The following SERINC5 variants were observed in gnomAD, a reference collection of about 807,000 sequenced individuals.
SERINC5 encodes the protein serine incorporator 5, also known as chromosome 5 open reading frame 12.
A neutral mutation model predicts 63.1 loss-of-function variants in SERINC5; 41 were observed. The ratio of observed to expected loss-of-function variants is 0.65; its 90% confidence interval spans 0.51 to 0.84. The LOEUF is 0.84. Among genes scored for constraint, SERINC5 ranks in the 40% least tolerant of loss-of-function variants. The pLI is 0.00. For missense variants in SERINC5, 523 were observed against 573.0 expected, an observed-to-expected ratio of 0.91 and a Z score of 0.89; for synonymous variants, 222 against 215.2, an observed-to-expected ratio of 1.03 and a Z score of -0.28.
intron 5 of SERINC5, among the ~76,000 whole-genome samples, chr5:80,173,874 C>T (rs560507902): frequency 6.6e-6 from 1 of 152,104 alleles, no homozygotes; most frequent in South Asian, 2.1e-4. Flanking sequence ...TCCCATCCCA[C>T]TAAAAATCCA....
intron 11 of SERINC5, among the ~76,000 whole-genome samples, chr5:80,128,044 T>C (rs1017534897): frequency 3.3e-5 from 5 of 152,360 alleles, no homozygotes; most frequent in African/African-American, 1.2e-4. Context: ...TTTACTAATA[T>C]TTTGAGTCTA....
At position 80,186,189 on chromosome 5, in the gene SERINC5, T is replaced by TA. The variant is rs1198637496; in HGVS notation, c.196-8126dup. Among the ~76,000 whole-genome samples, 28 of 132,664 alleles carry TA rather than the reference T, an allele frequency of 2.1e-4. No homozygotes were observed. The Middle Eastern group carries it at 0.016, about 74-fold the overall frequency. 87.0% of individuals were successfully genotyped at this position (132,664 alleles called of 152,430 possible). On this transcript the variant is annotated intron_variant, in intron 2 of 11. Transcript: ENST00000507668. ...TTCACTCTTGTCGCCCAGGCTGGAG[T>TA]ACAGTGGTGCGATTTCAGCTCACTG...
At chr5:80,220,300 T>C (rs1388549122) in intron 1 of SERINC5, among the ~76,000 whole-genome samples, 1 of 151,932 alleles carries the variant, frequency 6.6e-6, no homozygotes, top group Admixed American at 6.6e-5. Flanking sequence ...TTTTTAAAAT[T>C]ACAAGGCAGA....
chr5:80,160,504 C>CT (rs1236021471), intron 7 of SERINC5, among the ~76,000 whole-genome samples: 1 of 152,122 alleles, frequency 6.6e-6, no homozygotes, highest in African/African-American at 2.4e-5. Flanking sequence ...AAAATTATGA[C>CT]TAGTATTTGC....
chr5:80,223,741 AG>A (rs1751028214), intron 1 of SERINC5, among the ~76,000 whole-genome samples: 1 of 152,222 alleles, frequency 6.6e-6, no homozygotes, highest in Non-Finnish European at 1.5e-5. Flanking sequence ...TGAGCTTGGC[AG>A]GGTGGGTAGC....
intron 8 of SERINC5, among the ~76,000 whole-genome samples, chr5:80,151,270 A>G (rs1746163752): frequency 6.6e-6 from 1 of 152,192 alleles, no homozygotes; most frequent in South Asian, 2.1e-4. Context: ...TTCTAATTTC[A>G]GTTTATCTTT....
chr5:80,233,804 ACTTTT>A (rs1561446207), intron 1 of SERINC5, among the ~76,000 whole-genome samples: 1 of 109,608 alleles, frequency 9.1e-6, no homozygotes. Flanking sequence ...TTCAACTTTT[ACTTTT>A]TTTTTTTTTT....
chr5:80,186,186 G>T (rs1431844609), intron 2 of SERINC5, among the ~76,000 whole-genome samples: 1 of 147,282 alleles, frequency 6.8e-6, no homozygotes, highest in African/African-American at 2.5e-5. Flanking sequence ...GCCCAGGCTG[G>T]AGTACAGTGG....
chr5:80,191,980 C>T (rs1274804656), intron 2 of SERINC5, among the ~76,000 whole-genome samples: 3 of 152,154 alleles, frequency 2.0e-5, no homozygotes, highest in Non-Finnish European at 2.9e-5. Context: ...AGTCAGCCAA[C>T]GACAGCCAGT....
At chr5:80,246,677 T>C (rs1308311746) in intron 1 of SERINC5, among the ~76,000 whole-genome samples, 1 of 152,222 alleles carries the variant, frequency 6.6e-6, no homozygotes, top group Non-Finnish European at 1.5e-5. Flanking sequence ...AGTAAAATCC[T>C]GCTTCCCTTT....
rs576070714 is a variant in SERINC5, at chr5:80,237,319, G to A, written c.27+18577C>T. On this transcript the variant is annotated intron_variant, in intron 1 of 11. Coordinates refer to ENST00000507668, the MANE Select transcript of SERINC5 (RefSeq NM_001174072.3). ...TCAAAAAAGGAGAATGAAATGCTAA[G>A]AAGAGAAGAAGAGGGCTTTCTCTCT... Among the ~76,000 whole-genome samples the A allele has an allele frequency of 7.3e-5, 11 of 150,012 alleles. No individual in the cohort carries two copies. The Admixed American group carries it at 7.5e-4, about 10-fold the overall frequency.
Position 80,146,839 on chromosome 5 carries a change from G to A in SERINC5, c.1093+406C>T, listed in dbSNP as rs983496736. Among the ~76,000 whole-genome samples, 5 of 152,196 alleles carry A rather than the reference G, an allele frequency of 3.3e-5. No individual in the cohort carries two copies. The East Asian group carries it at 9.6e-4, about 29-fold the overall frequency. On this transcript the variant is annotated intron_variant, in intron 10 of 11. Coordinates refer to ENST00000507668, the MANE Select transcript of SERINC5 (RefSeq NM_001174072.3). ...ACTATAAGCTCAGCAGAAAGTGAGA[G>A]TAAAACAAGAGTTAGTTCTCAAGCC...
Position 80,199,992 on chromosome 5 carries a change from C to T in SERINC5, c.195+2894G>A, listed in dbSNP as rs184327040. ...CGCTCAGAATAAGAGTTAAAATCTA[C>T]GCTTTCAGATAGAAAAACTAGCCAG... On this transcript the variant is annotated intron_variant, in intron 2 of 11. Transcript: ENST00000507668. 2.3e-3 allele frequency among the ~76,000 whole-genome samples: 349 copies of T among 152,318 alleles called. 2 individuals carry two copies. In the Middle Eastern group the frequency reaches 0.027, roughly 12 times the overall value.
intron 8 of SERINC5, 147 bp downstream of exon 8, chr5:80,158,689 G>A: frequency 1.5e-6 from 1 of 657,482 alleles, no homozygotes. Context: ...GTTCAAATAT[G>A]AGTTCACGCT....
At chr5:80,232,126 C>T (rs960608824) in intron 1 of SERINC5, among the ~76,000 whole-genome samples, 25 of 147,894 alleles carry the variant, frequency 1.7e-4, no homozygotes, top group African/African-American at 5.3e-4. Flanking sequence ...AAAAAAAGGC[C>T]GGGCAAGGTG....
intron 1 of SERINC5, among the ~76,000 whole-genome samples, chr5:80,234,369 T>C (rs1751593760): frequency 6.6e-6 from 1 of 152,208 alleles, no homozygotes; most frequent in African/African-American, 2.4e-5. Context: ...CATTTACATA[T>C]GTAAATTGTA....
rs139153983 is a variant in SERINC5 at position 80,120,074 on chromosome 5, G to C, written c.1239-6449C>G. ...CTCAACTTCCTCTTCTATAAAGGGGGGGCTATACCTGTCAGGGTAGTGGTG... is the reference window on the plus strand; with the variant it reads ...CTCAACTTCCTCTTCTATAAAGGGGCGGCTATACCTGTCAGGGTAGTGGTG... On this transcript the variant is annotated intron_variant, in intron 11 of 12. Coordinates refer to the SERINC5 transcript ENST00000509193. Among the ~76,000 whole-genome samples the C allele has an allele frequency of 3.2e-3, 493 of 152,200 alleles. 3 individuals carry two copies. Among genetic ancestry groups the C allele is most frequent in the African/African-American group, 0.011 (476 of 41,528 alleles).
At chr5:80,180,607 C>T (rs188704724) in intron 2 of SERINC5, among the ~76,000 whole-genome samples, 3 of 152,154 alleles carry the variant, frequency 2.0e-5, no homozygotes, top group African/African-American at 4.8e-5. Flanking sequence ...AGAGGTTGCT[C>T]GGTATTTACC....
rs574179543 is a variant in SERINC5, at chr5:80,112,114, T to C, written c.*30-412A>G. 6.3e-3 allele frequency among the ~76,000 whole-genome samples: 959 copies of C among 151,858 alleles called. 4 individuals are homozygous for C. Among genetic ancestry groups the C allele is most frequent in the Middle Eastern group, 0.017 (5 of 294 alleles). On this transcript the variant is annotated intron_variant, in intron 12 of 12. Transcript: ENST00000509193. ...TCATGGGATGGGAAAGACCTGACCG[T>C]CCCCCAGCCCGACACCCGTGAAGGG...
Sources: gnomAD v4.1 joint callset for allele counts (sites outside exome capture counted in the v4.1 genomes callset) on GRCh38, gnomAD v4.1.1 for gene constraint, MANE v1.5 for transcripts, NCBI Gene and HGNC (gene_info 2026-07-23, HGNC 2026-07-21) for gene names.